The following SUPT3H variants were observed in gnomAD, a reference collection of about 807,000 sequenced individuals.
The protein encoded by SUPT3H is SPT3 homolog, SAGA and STAGA complex component, also known as transcription initiation protein SPT3 homolog.
A neutral mutation model predicts 44.3 loss-of-function variants in SUPT3H; 44 were observed. The observed-to-expected ratio is 0.99, with a 90% CI of 0.78 to 1.28. The LOEUF is 1.28. Ranked by LOEUF, SUPT3H falls within the 50% of genes most tolerant of loss-of-function variation. The pLI, the probability that SUPT3H is intolerant of heterozygous loss-of-function variation, is 0.00. For synonymous variants in SUPT3H, 124 were observed against 125.6 expected (o/e 0.99, Z 0.09); for missense variants, 380 against 387.1 (o/e 0.98, Z 0.15).
intron 3 of SUPT3H, among the ~76,000 whole-genome samples, chr6:45,075,843 G>A (rs1794940354): frequency 6.6e-6 from 1 of 151,940 alleles, no homozygotes; most frequent in Admixed American, 6.6e-5. Context: ...TTATAATTCT[G>A]AGCCATTTCT....
chr6:45,058,829 C>T (rs1328219196), intron 3 of SUPT3H, among the ~76,000 whole-genome samples: 2 of 152,098 alleles, frequency 1.3e-5, no homozygotes, highest in Non-Finnish European at 2.9e-5. Flanking sequence ...TGGCTTTGAA[C>T]GTTTTCCCTC....
chr6:45,297,474 C>T (rs948875680), intron 2 of SUPT3H, among the ~76,000 whole-genome samples: 1 of 152,152 alleles, frequency 6.6e-6, no homozygotes, highest in African/African-American at 2.4e-5. Context: ...ACAAAAATTA[C>T]ATAAAATATT....
chr6:45,279,198 C>A (rs1777527435), intron 2 of SUPT3H, among the ~76,000 whole-genome samples: 1 of 151,966 alleles, frequency 6.6e-6, no homozygotes, highest in Non-Finnish European at 1.5e-5. Flanking sequence ...ATTAATGAAA[C>A]CAAATTATGA....
chr6:45,219,422 C>G (rs1185804616), intron 2 of SUPT3H, among the ~76,000 whole-genome samples: 2 of 151,902 alleles, frequency 1.3e-5, no homozygotes, highest in East Asian at 1.9e-4. Flanking sequence ...AGACACAAAT[C>G]ACAAACACCA....
At chr6:45,038,411 C>G (rs1788006553) in intron 3 of SUPT3H, among the ~76,000 whole-genome samples, 1 of 152,170 alleles carries the variant, frequency 6.6e-6, no homozygotes, top group Non-Finnish European at 1.5e-5. Context: ...CCACCAACAG[C>G]TCACAATGCC....
chr6:44,861,449 C>A (rs1226700095), intron 10 of SUPT3H, among the ~76,000 whole-genome samples: 1 of 151,600 alleles, frequency 6.6e-6, no homozygotes, highest in Non-Finnish European at 1.5e-5. Flanking sequence ...TACAGTGGCA[C>A]AATCTTGTCT....
chr6:44,880,560 T>C (rs1316419455), intron 10 of SUPT3H, among the ~76,000 whole-genome samples: 1 of 152,146 alleles, frequency 6.6e-6, no homozygotes, highest in East Asian at 1.9e-4. Context: ...AACATTCAAA[T>C]TCTGGAAATA....
chr6:45,302,000 G>C (rs1285014705), intron 2 of SUPT3H, among the ~76,000 whole-genome samples: 1 of 152,136 alleles, frequency 6.6e-6, no homozygotes, highest in Non-Finnish European at 1.5e-5. Context: ...ACTGAATTTT[G>C]AGATGGGCCA....
intron 6 of SUPT3H, among the ~76,000 whole-genome samples, chr6:44,965,882 T>A (rs567499742): frequency 2.6e-5 from 4 of 152,178 alleles, no homozygotes; most frequent in Non-Finnish European, 5.9e-5. Flanking sequence ...GCTGAGGCAA[T>A]GCTTTGCTTG....
At chr6:45,268,661 T>C (rs1775644458) in intron 2 of SUPT3H, among the ~76,000 whole-genome samples, 1 of 152,014 alleles carries the variant, frequency 6.6e-6, no homozygotes, top group African/African-American at 2.4e-5. Flanking sequence ...CCATAACTAT[T>C]CAACAAAACT....
At chr6:45,253,544 AC>A (rs1295535221) in intron 2 of SUPT3H, among the ~76,000 whole-genome samples, 5 of 151,992 alleles carry the variant, frequency 3.3e-5, no homozygotes, top group Admixed American at 2.6e-4. Context: ...TAATCCAAGA[AC>A]TTTGGGAGGC....
At chr6:44,848,345 G>A (rs1772265713) in intron 10 of SUPT3H, among the ~76,000 whole-genome samples, 2 of 152,204 alleles carry the variant, frequency 1.3e-5, no homozygotes, top group Admixed American at 6.5e-5. Context: ...ACACTGGCTG[G>A]TTGTACATTA....
chr6:45,215,199 C>A (rs1764839840), intron 2 of SUPT3H, among the ~76,000 whole-genome samples: 2 of 152,020 alleles, frequency 1.3e-5, no homozygotes, highest in Admixed American at 6.6e-5. Flanking sequence ...AAATGTTATC[C>A]CTAATTAACA....
At position 44,902,866 on chromosome 6, in the gene SUPT3H, A is replaced by G. The variant is rs187652183; in HGVS notation, c.912+29787T>C. 4.8e-3 allele frequency among the ~76,000 whole-genome samples: 728 copies of G among 152,350 alleles called. 5 individuals carry two copies. The highest frequency in any genetic ancestry group is 8.0e-3 in the Non-Finnish European group (543 of 68,040). ...CAGTGCAATCAAACCAGAACTCAGG[A>G]TTAAGAAACTCACTCAGAACTGCTC... On this transcript the variant is annotated intron_variant, in intron 10 of 10. Coordinates refer to ENST00000371459, the MANE Select transcript of SUPT3H (RefSeq NM_003599.4).
At chr6:45,315,728 T>C (rs1784579657) in intron 2 of SUPT3H, among the ~76,000 whole-genome samples, 1 of 152,088 alleles carries the variant, frequency 6.6e-6, no homozygotes, top group Non-Finnish European at 1.5e-5. Context: ...GGAAACTCCT[T>C]AAAGAACTAA....
intron 6 of SUPT3H, among the ~76,000 whole-genome samples, chr6:44,987,602 C>T (rs973763603): frequency 1.3e-5 from 2 of 151,910 alleles, no homozygotes; most frequent in Non-Finnish European, 2.9e-5. Flanking sequence ...CAAGTGGGTT[C>T]TAAAGAGAAT....
At chr6:45,012,011 G>C (rs1462482240) in intron 5 of SUPT3H, among the ~76,000 whole-genome samples, 2 of 150,802 alleles carry the variant, frequency 1.3e-5, no homozygotes, top group Non-Finnish European at 2.9e-5. Context: ...CCTTCTGATT[G>C]CTATGTTGAT....
chr6:45,018,105 G>A (rs932193952), intron 4 of SUPT3H, among the ~76,000 whole-genome samples: 5 of 151,642 alleles, frequency 3.3e-5, no homozygotes, highest in Non-Finnish European at 7.4e-5. Context: ...TCTCTTTGAA[G>A]CAATTGTGAA....
At chr6:45,331,437 G>C (rs10948226) in intron 2 of SUPT3H, among the ~76,000 whole-genome samples, 33,268 of 151,752 alleles carry the variant, frequency 0.22, 4,463 homozygotes, top group Non-Finnish European at 0.31. Flanking sequence ...ATAGTTTCAA[G>C]ATTCAGTAGT....
Sources: gnomAD v4.1 joint callset for allele counts (sites outside exome capture counted in the v4.1 genomes callset) on GRCh38, gnomAD v4.1.1 for gene constraint, MANE v1.5 for transcripts, NCBI Gene and HGNC (gene_info 2026-07-23, HGNC 2026-07-21) for gene names.